Variants in RBM14 observed in about 807,000 individuals in gnomAD.
The protein encoded by RBM14 is RNA-binding protein 14.
In RBM14, 5 loss-of-function variants were observed where a neutral mutation model predicts 52.8. The ratio of observed to expected loss-of-function variants is 0.09; its 90% CI spans 0.05 to 0.20. The LOEUF (loss-of-function observed/expected upper bound fraction) is 0.20, where lower values mean the gene tolerates loss of function less well. Ranked by LOEUF, RBM14 falls within the 10% of genes least tolerant of loss-of-function variation. The pLI is 1.00. For missense variants in RBM14, 780 were observed against 926.6 expected (o/e 0.84, Z 2.05); for synonymous variants, 411 against 401.8 (o/e 1.02, Z -0.28).
In RBM14 at chr11:66,624,985, C is replaced by G. The variant is rs1352584756; in HGVS notation, c.1109C>G (p.Ala370Gly). 1 of 1,613,878 alleles carries G rather than the reference C, an allele frequency of 6.2e-7. No individual in the cohort carries two copies. Among genetic ancestry groups the G allele is most frequent in the Non-Finnish European group, 8.5e-7 (1 of 1,179,966 alleles). The change falls in exon 2 of 3, where the codon GCA becomes GGA. Residue 370 changes from alanine (A) to glycine (G), a missense_variant. Ala to Gly is a moderately conservative substitution (Grantham distance 60). This residue lies in a region of RBM14 where 675 missense variants were observed against 697.3 expected (regional missense o/e 0.97). Transcript: ENST00000310137. The surrounding 1 kb of genome is among the most constrained non-coding windows in gnomAD (Gnocchi z 4.7). ...GCTTCTTCCTACAACACCCAGGGAG[C>G]AGCTTCCTCCTTAGGCTCCTACGGG... ...AAASSYNTQG[A>G]ASSLGSYGAQ... is the part of the protein sequence containing the mutation.
intron 1 of RBM14, among the ~76,000 whole-genome samples, chr11:66,622,575 G>A (rs1859166039): frequency 6.6e-6 from 1 of 152,164 alleles, no homozygotes; most frequent in African/African-American, 2.4e-5. Context: ...ACCTGGGTCT[G>A]GAACTGAGAC....
In RBM14 at chr11:66,624,679, C is replaced by T; in HGVS notation, c.803C>T (p.Ala268Val). The change falls in exon 2 of 3, where the codon GCC (alanine) becomes GTC (valine). Residue 268 changes from alanine to valine, a missense_variant. Physicochemically the swap from Ala to Val is moderately conservative, Grantham distance 64. Transcript: ENST00000310137. This position sits in a 1 kb window ranked among gnomAD's most constrained non-coding sequence, Gnocchi z 4.7. Reference sequence around the variant, plus strand: ...GGCTATCGGACTCAGCCCATGACAGCCCAGGCAGCCTCTTACCGCGCTCAG... The same window carrying T: ...GGCTATCGGACTCAGCCCATGACAGTCCAGGCAGCCTCTTACCGCGCTCAG... ...GVGYRTQPMT[A>V]QAASYRAQPS... 6.2e-7 allele frequency: 1 copy of T among 1,613,644 alleles called. No individual in the cohort carries two copies. The highest frequency in any genetic ancestry group is 8.5e-7 in the Non-Finnish European group (1 of 1,179,826).
At chr11:66,619,539 T>G (rs1859000123) in intron 1 of RBM14, 1 of 152,164 alleles carries the variant, frequency 6.6e-6, no homozygotes, top group Non-Finnish European at 1.5e-5. Flanking sequence ...TACAGAGCTC[T>G]GTAGTTTCAA....
intron 1 of RBM14, chr11:66,623,795 T>G (rs1211333127): frequency 2.9e-6 from 2 of 687,936 alleles, no homozygotes; most frequent in Non-Finnish European, 5.5e-6. Flanking sequence ...GCCTCAAAAG[T>G]GAGCTAGGCC....
rs1046658962 is a variant in RBM14, at chr11:66,625,848, C to T, written c.1802+170C>T. On this transcript the variant is annotated intron_variant, in intron 2 of 2. Transcript: ENST00000310137. This position sits in a 1 kb window ranked among gnomAD's most constrained non-coding sequence, Gnocchi z 4.2. Reference sequence around the variant, plus strand: ...CAGTGTCTATGAACTTTCCTGGTCACCAGGGTTCAGGTGGAGCATAGTGCT... The same window carrying T: ...CAGTGTCTATGAACTTTCCTGGTCATCAGGGTTCAGGTGGAGCATAGTGCT... The T allele has an allele frequency of 1.6e-6, 1 of 616,184 alleles. No homozygotes were observed. Among genetic ancestry groups the T allele is most frequent in the Non-Finnish European group, 2.8e-6 (1 of 359,046 alleles). The allele number at this position is 616,184 out of a possible 1,614,324, so 38.2% of individuals were successfully genotyped here.
At chr11:66,618,501 A>G in intron 1 of RBM14, 1 of 717,444 alleles carries the variant, frequency 1.4e-6, no homozygotes, top group Non-Finnish European at 2.6e-6. Context: ...CTCAGGTTAT[A>G]CAAGTCCACG....
At chr11:66,617,567 A>AC in intron 1 of RBM14, 6 of 988,736 alleles carry the variant, frequency 6.1e-6, no homozygotes, top group Non-Finnish European at 3.6e-6. Context: ...GGGCCCTTGG[A>AC]CGTTTCTCGG....
rs1195128505 is a variant in RBM14 at position 66,629,284 on chromosome 11, T to C, written c.*2616T>C. ...ATTCAGCTTCTCCACCTATCACCTC[T>C]ACAACTTGGCCTTCATTGGAGAAGT... On this transcript the variant is annotated 3_prime_UTR_variant, in exon 3 of 3. Coordinates refer to ENST00000310137, the MANE Select transcript of RBM14 (RefSeq NM_006328.4). Among the ~76,000 whole-genome samples, 1 of 152,244 alleles carries C rather than the reference T, an allele frequency of 6.6e-6. No homozygotes were observed.
Position 66,616,634 on chromosome 11 carries a change from C to CT in RBM14, c.-86dup. 1 of 1,464,694 alleles carries CT rather than the reference C, an allele frequency of 6.8e-7. No individual in the cohort carries two copies. Among genetic ancestry groups the CT allele is most frequent in the Non-Finnish European group, 9.1e-7 (1 of 1,102,680 alleles). The allele number at this position is 1,464,694 out of a possible 1,614,324, so 90.7% of individuals were successfully genotyped here. ...CGGGGTTCTCGGTCGCCAGCCATTC[C>CT]TGAGGAGGACTGCCGGTCGTTCGGA... On this transcript the variant is annotated 5_prime_UTR_variant, in exon 1 of 3. Transcript: ENST00000310137.
In RBM14 at chr11:66,624,955, C is replaced by T. The variant is rs765691468; in HGVS notation, c.1079C>T (p.Ala360Val). 3.1e-6 allele frequency: 5 copies of T among 1,614,014 alleles called. No individual in the cohort carries two copies. The highest frequency in any genetic ancestry group is 4.2e-6 in the Non-Finnish European group (5 of 1,179,968). The change falls in exon 2 of 3, where the codon GCA (alanine) becomes GTA (valine). Residue 360 changes from alanine to valine, a missense_variant. This residue lies in a region of RBM14 where 675 missense variants were observed against 697.3 expected (regional missense o/e 0.97). Coordinates refer to ENST00000310137, the MANE Select transcript of RBM14 (RefSeq NM_006328.4). The surrounding 1 kb of genome is among the most constrained non-coding windows in gnomAD (Gnocchi z 4.7). ...AQAASSYGVR[A>V]AASSYNTQGA... ...GCTGCCTCTTCCTATGGGGTTCGTG[C>T]AGCTGCTTCTTCCTACAACACCCAG...
Position 66,616,714 on chromosome 11 carries a change from C to G in RBM14, c.-7C>G, listed in dbSNP as rs568302181. ...GGGCTCTCCAGGAAGGTGGCTGCGG[C>G]GACAAAATGAAGATATTCGTGGGCA... is the stretch of plus-strand genomic sequence containing the variant. On this transcript the variant is annotated 5_prime_UTR_variant, in exon 1 of 3. Transcript: ENST00000310137. 6.3e-7 allele frequency: 1 copy of G among 1,586,360 alleles called. No homozygotes were observed. The highest frequency in any genetic ancestry group is 1.3e-5 in the African/African-American group (1 of 74,336).
Position 66,625,625 on chromosome 11 carries a change from A to G in RBM14, c.1749A>G (p.Pro583=). 6.2e-6 allele frequency: 10 copies of G among 1,611,018 alleles called. No individual in the cohort carries two copies. The highest frequency in any genetic ancestry group is 2.2e-5 in the South Asian group (2 of 91,012). Residue 583 remains proline, a synonymous_variant, in exon 2 of 3, where the codon CCA becomes CCG. Transcript: ENST00000310137. This position sits in a 1 kb window ranked among gnomAD's most constrained non-coding sequence, Gnocchi z 4.2. ...PPPYERTRLS[P]PRASYDDPYK... Reference sequence around the variant, plus strand: ...CCTATGAGCGTACCCGCCTCTCCCCACCCCGGGCCAGCTACGACGATCCCT... The same window carrying G: ...CCTATGAGCGTACCCGCCTCTCCCCGCCCCGGGCCAGCTACGACGATCCCT...
rs775453616 is a variant in RBM14, at chr11:66,625,698, C to T, written c.1802+20C>T. On this transcript the variant is annotated intron_variant, in intron 2 of 2. Coordinates refer to ENST00000310137, the MANE Select transcript of RBM14 (RefSeq NM_006328.4). The surrounding 1 kb of genome is among the most constrained non-coding windows in gnomAD (Gnocchi z 4.2). ...GAAAAGGTACTGTATGCCCCCCCGC[C>T]TCTGCCCCCAGCTGGGGCTTAGGGC... is the stretch of plus-strand genomic sequence containing the variant. 7 of 1,551,368 alleles carry T rather than the reference C, an allele frequency of 4.5e-6. No homozygotes were observed. The highest frequency in any genetic ancestry group is 6.1e-6 in the Non-Finnish European group (7 of 1,143,456).
chr11:66,625,181 G>A lies in RBM14; in HGVS notation c.1305G>A (p.Gln435=), dbSNP rs1329565778. 4 of 1,611,872 alleles carry A rather than the reference G, an allele frequency of 2.5e-6. No individual in the cohort carries two copies. Among genetic ancestry groups the A allele is most frequent in the African/African-American group, 1.3e-5 (1 of 74,858 alleles). The change falls in exon 2 of 3, where the codon CAG becomes CAA. Residue 435 remains glutamine (Q), a synonymous_variant. Transcript: ENST00000310137. The surrounding 1 kb of genome is among the most constrained non-coding windows in gnomAD (Gnocchi z 4.2). ...CCCAACCTGCTGCCTATGTGGCACA[G>A]CCAGCCACAGCTGCTGCCTATGCCA... The part of the protein sequence containing the change: ...YSSQPAAYVA[Q]PATAAAYASQ...
chr11:66,617,697 C>G, intron 1 of RBM14: 1 of 417,602 alleles, frequency 2.4e-6, no homozygotes. Flanking sequence ...TTAGGCGTGG[C>G]AGCTCTGTGC....
intron 1 of RBM14, chr11:66,623,756 A>G (rs1395016128): frequency 6.2e-6 from 4 of 643,008 alleles, no homozygotes; most frequent in Non-Finnish European, 1.1e-5. Flanking sequence ...CCAAAACGTG[A>G]GTGGTCATTT....
At chr11:66,618,556 T>A (rs1462789776) in intron 1 of RBM14, 2 of 717,480 alleles carry the variant, frequency 2.8e-6, no homozygotes, top group South Asian at 3.0e-5. Flanking sequence ...TGAGGCAGGC[T>A]GTATGGTGCA....
chr11:66,618,460 C>G (rs1858949486), intron 1 of RBM14: 2 of 716,718 alleles, frequency 2.8e-6, no homozygotes, highest in Non-Finnish European at 5.2e-6. Flanking sequence ...AGTCCTTGTT[C>G]TGCATTAATA....
At chr11:66,618,636 A>G in intron 1 of RBM14, 1 of 712,290 alleles carries the variant, frequency 1.4e-6, no homozygotes. Flanking sequence ...TTGTCCAGCA[A>G]AAGGGTGGGG....
Sources: allele counts gnomAD v4.1 joint callset (sites outside exome capture counted in the v4.1 genomes callset), GRCh38; gene constraint gnomAD v4.1.1; regional missense constraint gnomAD v4.1.1; non-coding constraint Gnocchi (gnomAD v3.1); transcripts MANE v1.5; gene names NCBI Gene and HGNC (gene_info 2026-07-23, HGNC 2026-07-21).